Variants in ROBO2 observed in about 807,000 individuals in gnomAD.
ROBO2 encodes the protein roundabout guidance receptor 2.
A neutral mutation model predicts 160.8 loss-of-function variants in ROBO2; 53 were observed. The observed-to-expected ratio is 0.33, with a 90% CI of 0.26 to 0.41. The LOEUF (loss-of-function observed/expected upper bound fraction) is 0.41, where lower values mean the gene tolerates loss of function less well. Ranked by LOEUF, ROBO2 falls within the 10% of genes least tolerant of loss-of-function variation. ROBO2 has a pLI of 1.00. For missense variants in ROBO2, 1,577 were observed against 1,722.4 expected (o/e 0.92, Z 1.49); for synonymous variants, 664 against 611.7 (o/e 1.09, Z -1.26).
At chr3:76,515,214 G>C (rs975289019) in intron 2 of ROBO2, among the ~76,000 whole-genome samples, 1 of 152,024 alleles carries the variant, frequency 6.6e-6, no homozygotes, top group Non-Finnish European at 1.5e-5. Context: ...ATTTTAAAGT[G>C]AGTTTCTTTA....
At chr3:76,534,586 G>C (rs1260450009) in intron 2 of ROBO2, among the ~76,000 whole-genome samples, 2 of 152,078 alleles carry the variant, frequency 1.3e-5, no homozygotes, top group Non-Finnish European at 2.9e-5. Context: ...AGCTGAGGCT[G>C]GCAAAGAGAG....
chr3:77,344,212 C>G (rs1453306706), intron 2 of ROBO2, among the ~76,000 whole-genome samples: 1 of 152,058 alleles, frequency 6.6e-6, no homozygotes, highest in Non-Finnish European at 1.5e-5. Context: ...AAAGAGTCAG[C>G]CATGTGAAGA....
intron 2 of ROBO2, among the ~76,000 whole-genome samples, chr3:77,031,620 A>C (rs2063329732): frequency 6.9e-6 from 1 of 145,928 alleles, no homozygotes; most frequent in African/African-American, 2.5e-5. Flanking sequence ...TATTGATATA[A>C]ATTAATTATA....
intron 2 of ROBO2, among the ~76,000 whole-genome samples, chr3:76,938,392 A>C (rs2077890977): frequency 7.1e-6 from 1 of 140,358 alleles, no homozygotes; most frequent in Non-Finnish European, 1.5e-5. Context: ...ATTGTCCCTC[A>C]TCTCTGTATG....
At chr3:76,837,825 C>T (rs2067848952) in intron 2 of ROBO2, among the ~76,000 whole-genome samples, 1 of 151,888 alleles carries the variant, frequency 6.6e-6, no homozygotes. Context: ...CAGTTCATAT[C>T]TACATTTTAC....
intron 1 of ROBO2, among the ~76,000 whole-genome samples, chr3:77,050,657 ATT>A (rs59318050): frequency 0.015 from 2,060 of 140,894 alleles, 51 homozygotes; most frequent in African/African-American, 0.05. Flanking sequence ...GTCTCAAAAC[ATT>A]TTTTTTTTTT....
chr3:75,935,382 C>G (rs940767598), intron 1 of ROBO2, among the ~76,000 whole-genome samples: 1 of 151,860 alleles, frequency 6.6e-6, no homozygotes, highest in Admixed American at 6.6e-5. Context: ...GATGGTGGTG[C>G]GTGCCTGTAG....
intron 2 of ROBO2, among the ~76,000 whole-genome samples, chr3:76,769,270 T>G (rs754230333): frequency 6.6e-6 from 1 of 151,388 alleles, no homozygotes; most frequent in Non-Finnish European, 1.5e-5. Flanking sequence ...CACATTCAGA[T>G]TATGTGGGGA....
intron 2 of ROBO2, among the ~76,000 whole-genome samples, chr3:77,254,381 T>G (rs1327270078): frequency 6.6e-6 from 1 of 152,214 alleles, no homozygotes; most frequent in Non-Finnish European, 1.5e-5. Flanking sequence ...GCAGTAGATA[T>G]TTTCCAGAGA....
chr3:76,746,390 G>A (rs962808824), intron 2 of ROBO2, among the ~76,000 whole-genome samples: 94 of 151,986 alleles, frequency 6.2e-4, no homozygotes, highest in Non-Finnish European at 1.0e-3. Context: ...CTAGTTCTAG[G>A]TCCCTGAGGA....
intron 2 of ROBO2, among the ~76,000 whole-genome samples, chr3:77,453,084 T>C (rs1276706957): frequency 1.3e-5 from 2 of 152,134 alleles, no homozygotes; most frequent in East Asian, 3.9e-4. Flanking sequence ...TACTCAACAT[T>C]GCCATTTAAA....
chr3:77,097,581 TG>T (rs2071258208), intron 1 of ROBO2, among the ~76,000 whole-genome samples: 2 of 152,164 alleles, frequency 1.3e-5, no homozygotes, highest in Non-Finnish European at 2.9e-5. Flanking sequence ...GGTCTCTTTT[TG>T]TGTTAGTCTG....
intron 2 of ROBO2, among the ~76,000 whole-genome samples, chr3:76,959,668 CT>C (rs998559296): frequency 6.6e-6 from 1 of 152,106 alleles, no homozygotes; most frequent in African/African-American, 2.4e-5. Flanking sequence ...TGAACTTACA[CT>C]TTTTTATGTA....
At position 76,962,638 on chromosome 3, in the gene ROBO2, C is replaced by CAAAAAAA. The variant is rs1318082985; in HGVS notation, c.110-135375_110-135374insAAAAAAA. On this transcript the variant is annotated intron_variant, in intron 2 of 26. Coordinates refer to the ROBO2 transcript ENST00000487694. ...GGGCAACAAGAGTGAAACTCGATCTCAGAAAAAAAAAAAAAAAAAAAAGCT... is the reference window on the plus strand; with the variant it reads ...GGGCAACAAGAGTGAAACTCGATCTCAAAAAAAAGAAAAAAAAAAAAAAAAAAAAGCT... 9.9e-5 allele frequency among the ~76,000 whole-genome samples: 5 copies of CAAAAAAA among 50,262 alleles called. 1 individual carries two copies. The highest frequency in any genetic ancestry group is 9.9e-5 in the Non-Finnish European group (3 of 30,296). 33.0% of individuals were successfully genotyped at this position (50,262 alleles called of 152,430 possible).
chr3:76,838,840 G>A (rs1403208043), intron 2 of ROBO2, among the ~76,000 whole-genome samples: 2 of 152,006 alleles, frequency 1.3e-5, no homozygotes, highest in African/African-American at 4.8e-5. Context: ...TGTAAAATAT[G>A]GTGGATAAAC....
intron 2 of ROBO2, among the ~76,000 whole-genome samples, chr3:77,350,574 A>G (rs1462564142): frequency 6.6e-6 from 1 of 152,106 alleles, no homozygotes; most frequent in Admixed American, 6.6e-5. Context: ...CCTAAATTAG[A>G]GACGAAGGAC....
In ROBO2 at chr3:77,004,059, C is replaced by A. The variant is rs148490457; in HGVS notation, c.110-93955C>A. Among the ~76,000 whole-genome samples the A allele has an allele frequency of 3.4e-4, 52 of 152,168 alleles. 1 individual carries two copies. Among genetic ancestry groups the A allele is most frequent in the Non-Finnish European group, 5.4e-4 (37 of 68,002 alleles). On this transcript the variant is annotated intron_variant, in intron 2 of 26. Coordinates refer to the ROBO2 transcript ENST00000487694. ...TTTGATTTTGTTTCAGGTGATAAAT[C>A]ATCAGTTTTTAAAAACTTTGAAAAT... is the stretch of plus-strand genomic sequence containing the variant.
At chr3:77,447,015 CA>C (rs2080597796) in intron 2 of ROBO2, among the ~76,000 whole-genome samples, 1 of 151,952 alleles carries the variant, frequency 6.6e-6, no homozygotes, top group African/African-American at 2.4e-5. Context: ...GTAAACAGGC[CA>C]ATCAGATGCT....
At chr3:76,062,348 C>G (rs2068096582) in intron 2 of ROBO2, among the ~76,000 whole-genome samples, 1 of 148,358 alleles carries the variant, frequency 6.7e-6, no homozygotes, top group Admixed American at 6.7e-5. Flanking sequence ...TTTTTTTTAT[C>G]AGAAATCCTA....
Sources: gnomAD v4.1 joint callset for allele counts (sites outside exome capture counted in the v4.1 genomes callset) on GRCh38, gnomAD v4.1.1 for gene constraint, MANE v1.5 for transcripts, NCBI Gene and HGNC (gene_info 2026-07-23, HGNC 2026-07-21) for gene names.